The following SCOC variants were observed in gnomAD, a reference collection of about 807,000 sequenced individuals.
SCOC encodes the protein short coiled-coil protein.
Under a neutral mutation model 9.9 loss-of-function variants are expected in SCOC, and 7 were observed. The observed-to-expected ratio is 0.71, with a 90% CI of 0.40 to 1.33. The LOEUF is 1.33. Ranked by LOEUF, SCOC falls within the 40% of genes most tolerant of loss-of-function variation. SCOC has a pLI of 0.01. For missense variants in SCOC, 66 were observed against 89.7 expected (o/e 0.74, Z 1.07); for synonymous variants, 19 against 28.2 (o/e 0.67, Z 1.03).
At chr4:140,344,913 C>T (rs955011515) in intron 2 of SCOC, among the ~76,000 whole-genome samples, 1 of 152,148 alleles carries the variant, frequency 6.6e-6, no homozygotes, top group East Asian at 1.9e-4. Flanking sequence ...GAATTTTTTT[C>T]TGCATGGGCT....
intron 1 of SCOC, among the ~76,000 whole-genome samples, chr4:140,264,202 C>T (rs1730688972): frequency 6.6e-6 from 1 of 152,062 alleles, no homozygotes; most frequent in Admixed American, 6.6e-5. Flanking sequence ...GGGGGTCTCA[C>T]CATGTTGCTC....
intron 1 of SCOC, among the ~76,000 whole-genome samples, chr4:140,313,207 T>C (rs55996499): frequency 0.14 from 20,559 of 152,206 alleles, 1,666 homozygotes; most frequent in African/African-American, 0.22. Flanking sequence ...GTCACTAACC[T>C]GAAGTTTATC....
intron 1 of SCOC, among the ~76,000 whole-genome samples, chr4:140,292,331 G>T (rs1424451929): frequency 6.6e-6 from 1 of 151,994 alleles, no homozygotes; most frequent in Non-Finnish European, 1.5e-5. Flanking sequence ...TGGGGCTACA[G>T]GTGCGTGCCA....
intron 1 of SCOC, among the ~76,000 whole-genome samples, chr4:140,310,011 C>T (rs1430516552): frequency 6.6e-6 from 1 of 152,170 alleles, no homozygotes; most frequent in Non-Finnish European, 1.5e-5. Context: ...TTTACTTTCT[C>T]CCCATACTTT....
At chr4:140,355,224 TATA>T (rs906720797) in intron 2 of SCOC, among the ~76,000 whole-genome samples, 4 of 80,216 alleles carry the variant, frequency 5.0e-5, no homozygotes, top group African/African-American at 1.2e-4. Flanking sequence ...TATATATATA[TATA>T]TATATATATA....
chr4:140,345,473 T>C (rs1726696473), intron 2 of SCOC, among the ~76,000 whole-genome samples: 1 of 152,210 alleles, frequency 6.6e-6, no homozygotes, highest in South Asian at 2.1e-4. Flanking sequence ...TCTTTGGCTT[T>C]TGGAGACAAT....
intron 2 of SCOC, among the ~76,000 whole-genome samples, chr4:140,353,223 G>T (rs1325518783): frequency 2.0e-5 from 3 of 152,076 alleles, no homozygotes; most frequent in Admixed American, 2.0e-4. Flanking sequence ...CAAACCAGAT[G>T]AATCAGCTTC....
At chr4:140,262,848 T>A (rs1488144136) in intron 1 of SCOC, among the ~76,000 whole-genome samples, 1 of 146,534 alleles carries the variant, frequency 6.8e-6, no homozygotes, top group Admixed American at 6.9e-5. Flanking sequence ...AAGGGGGAGG[T>A]GCTTCAGAAT....
chr4:140,366,390 C>T lies in SCOC; in HGVS notation c.71-12731C>T, dbSNP rs940876452. The T allele has an allele frequency of 6.1e-6, 8 of 1,309,446 alleles. No individual in the cohort carries two copies. The African/African-American group carries it at 1.2e-4, about 19-fold the overall frequency. 81.1% of individuals were successfully genotyped at this position (1,309,446 alleles called of 1,614,324 possible). A position where few individuals can be genotyped will look rare whatever the true frequency, so the allele number is the denominator to read the frequency against. On this transcript the variant is annotated intron_variant, in intron 2 of 4. Transcript: ENST00000338517. ...CTTGCCTGCAGCGGTCATCTTTTTGCTAGAACTTTAGCAGCAGCTGCAGCA... is the reference window on the plus strand; with the variant it reads ...CTTGCCTGCAGCGGTCATCTTTTTGTTAGAACTTTAGCAGCAGCTGCAGCA...
At chr4:140,325,781 A>G (rs1304423042) in intron 1 of SCOC, among the ~76,000 whole-genome samples, 1 of 152,190 alleles carries the variant, frequency 6.6e-6, no homozygotes, top group African/African-American at 2.4e-5. Flanking sequence ...AATTTCTTAT[A>G]AAGTTAAACA....
chr4:140,289,166 T>C (rs1731394719), intron 1 of SCOC, among the ~76,000 whole-genome samples: 1 of 151,950 alleles, frequency 6.6e-6, no homozygotes, highest in East Asian at 1.9e-4. Flanking sequence ...GAGCCCAGAG[T>C]TGTGTGGCAG....
chr4:140,322,916 C>T (rs771621983), intron 1 of SCOC, among the ~76,000 whole-genome samples: 1 of 152,092 alleles, frequency 6.6e-6, no homozygotes, highest in Non-Finnish European at 1.5e-5. Context: ...TAGAGGCCGC[C>T]ATGCCCACCA....
At chr4:140,335,657 T>G (rs565412164) in intron 1 of SCOC, among the ~76,000 whole-genome samples, 64 of 152,300 alleles carry the variant, frequency 4.2e-4, no homozygotes, top group Non-Finnish European at 8.4e-4. Context: ...ATGTCATAAT[T>G]GGTACTGAGA....
chr4:140,308,693 C>G (rs1469998520), intron 1 of SCOC, among the ~76,000 whole-genome samples: 2 of 152,208 alleles, frequency 1.3e-5, no homozygotes, highest in Non-Finnish European at 2.9e-5. Flanking sequence ...CGTCATCCTC[C>G]TATATTTATC....
chr4:140,288,407 C>A (rs559101226), intron 1 of SCOC, among the ~76,000 whole-genome samples: 3 of 152,010 alleles, frequency 2.0e-5, no homozygotes, highest in African/African-American at 7.2e-5. Flanking sequence ...ATGCAAATAC[C>A]CCACACAAAA....
At chr4:140,356,519 C>A (rs960272434) in intron 2 of SCOC, among the ~76,000 whole-genome samples, 1 of 152,342 alleles carries the variant, frequency 6.6e-6, no homozygotes, top group South Asian at 2.1e-4. Context: ...CTCCTTCAAT[C>A]TGGAACAGTT....
chr4:140,379,978 G>A (rs1396998668), intron 3 of SCOC, among the ~76,000 whole-genome samples: 1 of 151,972 alleles, frequency 6.6e-6, no homozygotes, highest in Non-Finnish European at 1.5e-5. Context: ...ATTAGCCTTG[G>A]AGATTAAAAA....
chr4:140,333,037 TTCCAAACAGCAC>T (rs149894258), intron 1 of SCOC, among the ~76,000 whole-genome samples: 29,883 of 152,074 alleles, frequency 0.2, 3,814 homozygotes, highest in African/African-American at 0.36. Context: ...CCTGATATAT[TTCCAAACAGCAC>T]TCAAACCTCC....
At chr4:140,308,857 T>G (rs1347792315) in intron 1 of SCOC, among the ~76,000 whole-genome samples, 1 of 152,172 alleles carries the variant, frequency 6.6e-6, no homozygotes, top group Non-Finnish European at 1.5e-5. Context: ...CCAGAGTGCC[T>G]GGGTCACTGA....
Sources: allele counts gnomAD v4.1 joint callset (sites outside exome capture counted in the v4.1 genomes callset), GRCh38; gene constraint gnomAD v4.1.1; transcripts MANE v1.5; gene names NCBI Gene and HGNC (gene_info 2026-07-23, HGNC 2026-07-21).